The following TCF7L2 variants were observed in gnomAD, a reference collection of about 807,000 sequenced individuals.
TCF7L2 encodes the protein transcription factor 7 like 2.
A neutral mutation model predicts 77.9 loss-of-function variants in TCF7L2; 23 were observed. That is an observed-to-expected ratio of 0.30 (90% CI 0.21 to 0.42). The LOEUF (loss-of-function observed/expected upper bound fraction) is 0.42. TCF7L2 is among the 10% of genes least tolerant of loss of function. The pLI is 1.00. For missense variants in TCF7L2, 654 were observed against 793.1 expected, an observed-to-expected ratio of 0.82 and a Z score of 2.11; for synonymous variants, 413 against 340.2, an observed-to-expected ratio of 1.21 and a Z score of -2.36.
intron 4 of TCF7L2, among the ~76,000 whole-genome samples, chr10:113,006,399 C>T (rs890770625): frequency 2.6e-5 from 4 of 152,218 alleles, no homozygotes; most frequent in African/African-American, 7.2e-5. Flanking sequence ...CAATCCCTCA[C>T]GCTGGAGGAT....
rs1220208147 is a variant in TCF7L2 at position 113,024,258 on chromosome 10, A to G, written c.451-15767A>G. On this transcript the variant is annotated intron_variant, in intron 4 of 13. Coordinates refer to ENST00000627217, the MANE Select transcript of TCF7L2 (RefSeq NM_001146274.2). ...GATTGCAGTGAGCCAAGATCATGCC[A>G]CTGCACTCCATCCAGCCTGGACAAC... is the stretch of plus-strand genomic sequence containing the variant. Among the ~76,000 whole-genome samples the G allele has an allele frequency of 4.6e-5, 7 of 152,122 alleles. No individual in the cohort carries two copies. In the East Asian group the frequency reaches 1.4e-3, roughly 30 times the overall value.
At chr10:113,118,551 G>T (rs1365156842) in intron 5 of TCF7L2, among the ~76,000 whole-genome samples, 25 of 150,260 alleles carry the variant, frequency 1.7e-4, no homozygotes, top group African/African-American at 3.9e-4. Flanking sequence ...GTGTGTGTGT[G>T]TGTTTGTTCA....
At chr10:113,046,089 T>C (rs2053399555) in intron 5 of TCF7L2, among the ~76,000 whole-genome samples, 1 of 152,040 alleles carries the variant, frequency 6.6e-6, no homozygotes, top group Non-Finnish European at 1.5e-5. Flanking sequence ...GGGGCCATGA[T>C]AGAGTCTATG....
chr10:113,126,396 T>C (rs2065613648), intron 5 of TCF7L2, among the ~76,000 whole-genome samples: 1 of 152,142 alleles, frequency 6.6e-6, no homozygotes, highest in Non-Finnish European at 1.5e-5. Flanking sequence ...AAAGCGTAAT[T>C]TCACTGGAGA....
intron 4 of TCF7L2, among the ~76,000 whole-genome samples, chr10:113,004,869 C>G (rs533374035): frequency 5.1e-4 from 77 of 152,072 alleles, no homozygotes; most frequent in Middle Eastern, 6.8e-3. Flanking sequence ...AGATGGGGTT[C>G]CACCGTGTTG....
chr10:113,156,360 C>T (rs934100237), intron 11 of TCF7L2, among the ~76,000 whole-genome samples: 3 of 152,256 alleles, frequency 2.0e-5, no homozygotes, highest in Non-Finnish European at 2.9e-5. Flanking sequence ...GTGATCTGCC[C>T]GCCTTGGCCT....
intron 4 of TCF7L2, among the ~76,000 whole-genome samples, chr10:113,038,719 C>G (rs1322181526): frequency 1.3e-5 from 2 of 152,186 alleles, no homozygotes; most frequent in Non-Finnish European, 2.9e-5. Context: ...TTGGCATTTC[C>G]TGAGTCCCTG....
chr10:113,114,416 C>G (rs1591861783), intron 5 of TCF7L2, among the ~76,000 whole-genome samples: 2 of 152,130 alleles, frequency 1.3e-5, no homozygotes, highest in East Asian at 3.9e-4. Context: ...CTTTTTGGTC[C>G]TTAGCAGAGA....
chr10:113,093,506 A>T (rs1355552856), intron 5 of TCF7L2, among the ~76,000 whole-genome samples: 2 of 152,218 alleles, frequency 1.3e-5, no homozygotes, highest in Non-Finnish European at 2.9e-5. Context: ...AGTTCTTACA[A>T]GTCTCAACAA....
At chr10:112,991,620 A>G (rs1590104926) in intron 4 of TCF7L2, among the ~76,000 whole-genome samples, 1 of 152,082 alleles carries the variant, frequency 6.6e-6, no homozygotes, top group Non-Finnish European at 1.5e-5. Context: ...AGAGGCTGCT[A>G]CAGGGACAGC....
chr10:113,135,092 G>A (rs2067199743), intron 5 of TCF7L2, among the ~76,000 whole-genome samples: 1 of 152,194 alleles, frequency 6.6e-6, no homozygotes, highest in African/African-American at 2.4e-5. Flanking sequence ...GAGCCTTGTG[G>A]GGTCGGGGTG....
chr10:112,961,603 T>A (rs762497055), intron 3 of TCF7L2, among the ~76,000 whole-genome samples: 1 of 152,058 alleles, frequency 6.6e-6, no homozygotes, highest in Non-Finnish European at 1.5e-5. Flanking sequence ...AAGAAAAGTG[T>A]GTTGGGAAAA....
At chr10:113,127,856 T>A (rs1278296814) in intron 5 of TCF7L2, among the ~76,000 whole-genome samples, 1 of 147,722 alleles carries the variant, frequency 6.8e-6, no homozygotes, top group Non-Finnish European at 1.5e-5. Flanking sequence ...TTAGCTTATG[T>A]TGCTGCGTCC....
intron 4 of TCF7L2, among the ~76,000 whole-genome samples, chr10:113,006,097 A>G (rs1006454807): frequency 6.6e-6 from 1 of 152,152 alleles, no homozygotes; most frequent in African/African-American, 2.4e-5. Flanking sequence ...ATTTGACCCT[A>G]AGAGTCTCTG....
At chr10:112,964,478 C>T (rs771478524) in intron 3 of TCF7L2, 78 bp from the exon 4 acceptor site, 8 of 1,348,626 alleles carry the variant, frequency 5.9e-6, no homozygotes, top group Non-Finnish European at 7.4e-6. Context: ...GGTTTGTCTG[C>T]TATTCATAAA....
chr10:112,994,139 A>G (rs1045258973), intron 4 of TCF7L2, among the ~76,000 whole-genome samples: 1 of 151,888 alleles, frequency 6.6e-6, no homozygotes, highest in Non-Finnish European at 1.5e-5. Flanking sequence ...CAATTGAGTG[A>G]TTTTCTGTAT....
chr10:113,165,905 AT>A lies in TCF7L2; in HGVS notation c.1744del (p.Ser582ProfsTer20). On this transcript the variant is annotated frameshift_variant, in exon 14 of 14. Transcript: ENST00000627217. LOFTEE classifies it high-confidence loss of function. ...GCACAGCCGTCGACTTCTTCCTTAC[AT>A]TCCCACAGCTCCCTGGCCGGGACCC... The A allele has an allele frequency of 1.3e-6, 2 of 1,590,310 alleles. No homozygotes were observed. The highest frequency in any genetic ancestry group is 1.7e-6 in the Non-Finnish European group (2 of 1,167,148).
intron 10 of TCF7L2, 110 bp from the exon 11 acceptor site, chr10:113,152,223 C>A: frequency 2.0e-6 from 2 of 1,019,502 alleles, no homozygotes; most frequent in South Asian, 2.6e-5. Context: ...GACGGACTCA[C>A]CCAAAAAGGC....
intron 5 of TCF7L2, among the ~76,000 whole-genome samples, chr10:113,101,238 G>A (rs1359790806): frequency 6.6e-6 from 1 of 152,094 alleles, no homozygotes; most frequent in African/African-American, 2.4e-5. Flanking sequence ...CAAGCCTTTT[G>A]AGGAGGATAT....
Sources: gnomAD v4.1 joint callset for allele counts (sites outside exome capture counted in the v4.1 genomes callset) on GRCh38, gnomAD v4.1.1 for gene constraint, MANE v1.5 for transcripts, NCBI Gene and HGNC (gene_info 2026-07-23, HGNC 2026-07-21) for gene names.